Variants in RGS7 observed in about 807,000 individuals in gnomAD.
RGS7 encodes the protein regulator of G-protein signaling 7.
In RGS7, 27 loss-of-function variants were observed where a neutral mutation model predicts 81.1. That is an observed-to-expected ratio of 0.33 (90% confidence interval 0.25 to 0.46). The LOEUF is 0.46. Among genes scored for constraint, RGS7 ranks in the 20% least tolerant of loss-of-function variants. The probability of loss-of-function intolerance (pLI) is 1.00; values close to 1 mark genes in which losing one functional copy is unlikely to be tolerated. For synonymous variants in RGS7, 208 were observed against 207.7 expected (o/e 1.00, Z -0.01); for missense variants, 396 against 607.4 (o/e 0.65, Z 3.66).
intron 2 of RGS7, among the ~76,000 whole-genome samples, chr1:241,232,612 C>T (rs1447744717): frequency 1.3e-5 from 2 of 150,878 alleles, no homozygotes; most frequent in African/African-American, 4.9e-5. Context: ...TTCAAAGTTG[C>T]TTGGCTGTTC....
intron 4 of RGS7, among the ~76,000 whole-genome samples, chr1:240,947,077 C>A (rs760230697): frequency 6.6e-6 from 1 of 152,058 alleles, no homozygotes; most frequent in Admixed American, 6.6e-5. Flanking sequence ...ATGTCTGGAG[C>A]CTCAGTGGAT....
intron 2 of RGS7, among the ~76,000 whole-genome samples, chr1:241,139,127 T>C (rs920147718): frequency 6.6e-6 from 1 of 152,106 alleles, no homozygotes; most frequent in Non-Finnish European, 1.5e-5. Flanking sequence ...CATGCGTCAG[T>C]AGATTGTTCC....
At chr1:240,927,877 T>C (rs1046893265) in intron 6 of RGS7, among the ~76,000 whole-genome samples, 4 of 152,190 alleles carry the variant, frequency 2.6e-5, no homozygotes, top group African/African-American at 9.6e-5. Flanking sequence ...GTGTAGGAGA[T>C]GATCCCCTCA....
chr1:241,335,566 T>C (rs528206818), intron 2 of RGS7, among the ~76,000 whole-genome samples: 212 of 152,214 alleles, frequency 1.4e-3, no homozygotes, highest in Non-Finnish European at 2.5e-3. Context: ...CTTCATACAT[T>C]CTTTAATCTG....
intron 2 of RGS7, among the ~76,000 whole-genome samples, chr1:241,238,467 A>T (rs1203637642): frequency 4.6e-5 from 7 of 152,176 alleles, no homozygotes; most frequent in Non-Finnish European, 1.0e-4. Flanking sequence ...TATTACATAC[A>T]CAATTGCCCC....
intron 2 of RGS7, among the ~76,000 whole-genome samples, chr1:241,149,785 T>C (rs1266748629): frequency 6.6e-6 from 1 of 152,134 alleles, no homozygotes; most frequent in Non-Finnish European, 1.5e-5. Context: ...TCTTTTATTT[T>C]TATATTTTGA....
chr1:240,792,686 G>A (rs1190360404), intron 18 of RGS7, among the ~76,000 whole-genome samples: 3 of 152,140 alleles, frequency 2.0e-5, no homozygotes, highest in African/African-American at 2.4e-5. Context: ...AAGGAAGTTC[G>A]TGGAAAGCCA....
At chr1:240,802,320 A>G (rs1005487850) in intron 16 of RGS7, among the ~76,000 whole-genome samples, 2 of 152,290 alleles carry the variant, frequency 1.3e-5, no homozygotes, top group Non-Finnish European at 1.5e-5. Context: ...GATTATTAAC[A>G]TTGTTGAATA....
chr1:240,944,990 C>T (rs1057500070), intron 4 of RGS7, among the ~76,000 whole-genome samples: 7 of 150,960 alleles, frequency 4.6e-5, no homozygotes, highest in Admixed American at 1.3e-4. Context: ...GGATTACAGG[C>T]GTGTGCCACG....
chr1:241,327,023 G>A (rs188550312), intron 2 of RGS7, among the ~76,000 whole-genome samples: 1 of 18,176 alleles, frequency 5.5e-5, no homozygotes, highest in East Asian at 1.6e-3. Context: ...AGGAAGGAAG[G>A]AAGGAAGGAA....
intron 9 of RGS7, among the ~76,000 whole-genome samples, chr1:240,846,156 A>T (rs114273707): frequency 0.017 from 2,636 of 152,282 alleles, 69 homozygotes; most frequent in African/African-American, 0.059. Flanking sequence ...AGTGAAGCCT[A>T]GTCTCTGTCT....
chr1:241,224,590 G>C (rs2075207028), intron 2 of RGS7, among the ~76,000 whole-genome samples: 1 of 152,128 alleles, frequency 6.6e-6, no homozygotes, highest in Non-Finnish European at 1.5e-5. Context: ...AAAATCTACA[G>C]CAATAATTTG....
At chr1:240,802,353 C>T (rs1262340979) in intron 16 of RGS7, among the ~76,000 whole-genome samples, 1 of 152,142 alleles carries the variant, frequency 6.6e-6, no homozygotes, top group Non-Finnish European at 1.5e-5. Context: ...ACAATACCCC[C>T]ATAATGTGCT....
intron 2 of RGS7, among the ~76,000 whole-genome samples, chr1:241,304,177 A>G (rs979925506): frequency 2.0e-5 from 3 of 152,130 alleles, no homozygotes; most frequent in African/African-American, 7.2e-5. Context: ...GTCATTCTCT[A>G]TTCTCCCTGG....
At chr1:241,010,259 G>A (rs1217462968) in intron 3 of RGS7, among the ~76,000 whole-genome samples, 1 of 152,208 alleles carries the variant, frequency 6.6e-6, no homozygotes, top group Non-Finnish European at 1.5e-5. Context: ...AGTGATGGCT[G>A]TGCTGGTGCT....
At chr1:241,227,859 T>C (rs919585278) in intron 2 of RGS7, among the ~76,000 whole-genome samples, 10 of 152,212 alleles carry the variant, frequency 6.6e-5, no homozygotes, top group African/African-American at 2.2e-4. Flanking sequence ...TTGCAGCATA[T>C]TGTGTTTTCT....
In RGS7 at chr1:241,244,706, C is replaced by A. The variant is rs556695984; in HGVS notation, c.78+110993G>T. 2.6e-5 allele frequency among the ~76,000 whole-genome samples: 4 copies of A among 152,042 alleles called. No homozygotes were observed. The East Asian group carries it at 7.7e-4, about 29-fold the overall frequency. ...CAATAGCAAAGACTTGGAACCAAGCCAAATGTCCAACAATGATAGACTGGA... is the reference window on the plus strand; with the variant it reads ...CAATAGCAAAGACTTGGAACCAAGCAAAATGTCCAACAATGATAGACTGGA... On this transcript the variant is annotated intron_variant, in intron 2 of 18. Transcript: ENST00000440928.
chr1:240,826,972 G>T lies in RGS7; in HGVS notation c.684+126C>A, dbSNP rs561125198. 29 of 796,084 alleles carry T rather than the reference G, an allele frequency of 3.6e-5. No homozygotes were observed. The Middle Eastern group carries it at 1.8e-3, about 49-fold the overall frequency. The allele number at this position is 796,084 out of a possible 1,614,324, so 49.3% of individuals were successfully genotyped here. ...GTGGGGCTATTCTTGAGGAAGGGAG[G>T]GCTGTGGAAGGCTGGGAAGAGTGGG... is the stretch of plus-strand genomic sequence containing the variant. On this transcript the variant is annotated intron_variant, in intron 10 of 18. Transcript: ENST00000440928.
chr1:241,262,106 G>T (rs1003386281), intron 2 of RGS7, among the ~76,000 whole-genome samples: 1 of 152,222 alleles, frequency 6.6e-6, no homozygotes, highest in African/African-American at 2.4e-5. Context: ...TCACATGAAA[G>T]GCTGGGACTG....
Sources: gnomAD v4.1 joint callset for allele counts (sites outside exome capture counted in the v4.1 genomes callset) on GRCh38, gnomAD v4.1.1 for gene constraint, MANE v1.5 for transcripts, NCBI Gene and HGNC (gene_info 2026-07-23, HGNC 2026-07-21) for gene names.